CPSF4: variants seen among roughly 807,000 people sequenced by gnomAD.
CPSF4 encodes cleavage and polyadenylation specific factor 4.
A neutral mutation model predicts 37.7 loss-of-function variants in CPSF4; 11 were observed. The observed-to-expected ratio is 0.29, with a 90% CI of 0.18 to 0.48. The LOEUF (loss-of-function observed/expected upper bound fraction) is 0.48. CPSF4 is among the 20% of genes least tolerant of loss of function. The probability of loss-of-function intolerance (pLI) is 0.99; values close to 1 mark genes in which losing one functional copy is unlikely to be tolerated. For synonymous variants in CPSF4, 132 were observed against 135.9 expected (o/e 0.97, Z 0.20); for missense variants, 144 against 359.5 (o/e 0.40, Z 4.85).
chr7:99,456,395 CTG>C (rs1445377629), intron 7 of CPSF4, 35 bp from the exon 8 acceptor site: 30 of 1,596,916 alleles, frequency 1.9e-5, no homozygotes, highest in Non-Finnish European at 2.6e-5. Flanking sequence ...GTGTTGTTGT[CTG>C]TCTCTCCTCT....
chr7:99,450,643 G>A (rs968111457), intron 4 of CPSF4, 59 bp from the exon 5 acceptor site: 66 of 1,358,532 alleles, frequency 4.9e-5, no homozygotes, highest in Middle Eastern at 1.8e-4. Flanking sequence ...TTGAAACCAT[G>A]CTCCAGCTCT....
intron 5 of CPSF4, 54 bp from the exon 6 acceptor site, chr7:99,452,313 TC>T (rs1281213041): frequency 6.9e-7 from 1 of 1,455,480 alleles, no homozygotes; most frequent in African/African-American, 1.4e-5. Flanking sequence ...TCTCTTCTCA[TC>T]CCCTGACCCC....
intron 7 of CPSF4, 87 bp from the exon 8 acceptor site, chr7:99,456,345 T>G: frequency 8.6e-7 from 1 of 1,163,836 alleles, no homozygotes; most frequent in African/African-American, 1.5e-5. Context: ...TGATTTGGGA[T>G]TTGGTGGGCA....
chr7:99,456,581 C>T lies in CPSF4; in HGVS notation c.*81C>T, dbSNP rs756757246. On this transcript the variant is annotated 3_prime_UTR_variant, in exon 8 of 8. Transcript: ENST00000292476. Reference sequence around the variant, plus strand: ...TTTAACTGTTTCATGCGCTTGTTGGCGCGACTGTGGCTCGAGCTGGCCCGC... The same window carrying T: ...TTTAACTGTTTCATGCGCTTGTTGGTGCGACTGTGGCTCGAGCTGGCCCGC... 42 of 1,231,750 alleles carry T rather than the reference C, an allele frequency of 3.4e-5. No homozygotes were observed. Among genetic ancestry groups the T allele is most frequent in the African/African-American group, 1.3e-4 (9 of 67,788 alleles). 76.3% of individuals were successfully genotyped at this position (1,231,750 alleles called of 1,614,324 possible).
At chr7:99,445,815 C>G (rs1432355898) in intron 2 of CPSF4, among the ~76,000 whole-genome samples, 3 of 151,980 alleles carry the variant, frequency 2.0e-5, no homozygotes, top group Non-Finnish European at 4.4e-5. Context: ...ACCTGTTAGG[C>G]AGAGGTTGTA....
In CPSF4 at chr7:99,452,409, C is replaced by T. The variant is rs553790186; in HGVS notation, c.539C>T (p.Pro180Leu). 7 of 1,614,094 alleles carry T rather than the reference C, an allele frequency of 4.3e-6. No individual in the cohort carries two copies. Among genetic ancestry groups the T allele is most frequent in the East Asian group, 2.2e-5 (1 of 44,882 alleles). The change falls in exon 6 of 8, where the codon CCA becomes CTA. Residue 180 changes from proline to leucine, a missense_variant. Coordinates refer to ENST00000292476, the MANE Select transcript of CPSF4 (RefSeq NM_006693.4). The stretch of plus-strand genomic sequence containing the variant: ...CCCATGGGAACCACCGAGCAGCCCC[C>T]ACTGCCGCAGCAGACACAGCCTCCA... ...ELPMGTTEQP[P>L]LPQQTQPPAK... is the part of the protein sequence containing the mutation.
intron 7 of CPSF4, among the ~76,000 whole-genome samples, chr7:99,454,375 G>A (rs796828930): frequency 3.2e-4 from 49 of 152,330 alleles, no homozygotes; most frequent in African/African-American, 1.1e-3. Context: ...GTGAATGGAC[G>A]GGGCCTGCAG....
intron 5 of CPSF4, 47 bp from the exon 6 acceptor site, chr7:99,452,320 AC>A: frequency 6.7e-7 from 1 of 1,497,140 alleles, no homozygotes. Flanking sequence ...TCATCCCCTG[AC>A]CCCACTCCTT....
intron 6 of CPSF4, 46 bp downstream of exon 6, chr7:99,452,486 C>T (rs1165821364): frequency 2.6e-6 from 4 of 1,536,466 alleles, no homozygotes; most frequent in Non-Finnish European, 2.7e-6. Context: ...GCCTTTTCTA[C>T]AGCGAGAACC....
intron 1 of CPSF4, among the ~76,000 whole-genome samples, chr7:99,442,671 A>AC (rs1554363526): frequency 4.7e-5 from 7 of 149,592 alleles, no homozygotes; most frequent in African/African-American, 1.5e-4. Context: ...AAAAAAAAAA[A>AC]AAAACAAAAA....
At chr7:99,444,255 G>A (rs535159299) in intron 1 of CPSF4, among the ~76,000 whole-genome samples, 2 of 152,204 alleles carry the variant, frequency 1.3e-5, no homozygotes, top group African/African-American at 4.8e-5. Flanking sequence ...TCAAGAGTTC[G>A]AGACCAGCCT....
At position 99,448,302 on chromosome 7, in the gene CPSF4, G is replaced by A; in HGVS notation, c.307+29G>A. 1 of 1,612,574 alleles carries A rather than the reference G, an allele frequency of 6.2e-7. No homozygotes were observed. Among genetic ancestry groups the A allele is most frequent in the Non-Finnish European group, 8.5e-7 (1 of 1,179,222 alleles). On this transcript the variant is annotated intron_variant, in intron 3 of 7. Coordinates refer to ENST00000292476, the MANE Select transcript of CPSF4 (RefSeq NM_006693.4). The surrounding 1 kb of genome is among the most constrained non-coding windows in gnomAD (Gnocchi z 4.4). ...AGGCGCCTGGAGCCCTGGAGGCTCT[G>A]CTGAGAACCAGGGTGCAGAGGGGTC... is the stretch of plus-strand genomic sequence containing the variant.
intron 7 of CPSF4, 172 bp from the exon 8 acceptor site, chr7:99,456,260 C>A: frequency 1.5e-6 from 1 of 645,162 alleles, no homozygotes; most frequent in Non-Finnish European, 2.8e-6. Context: ...CCTGAGCTCC[C>A]TCACCCTCTA....
At chr7:99,446,604 CT>C (rs765309712) in intron 2 of CPSF4, among the ~76,000 whole-genome samples, 465 of 140,716 alleles carry the variant, frequency 3.3e-3, no homozygotes, top group Middle Eastern at 7.6e-3. Context: ...TTGGTCTTTC[CT>C]TTTTTTTTTT....
At chr7:99,446,953 C>CTAATTT (rs1333866370) in intron 2 of CPSF4, among the ~76,000 whole-genome samples, 1 of 151,402 alleles carries the variant, frequency 6.6e-6, no homozygotes, top group Admixed American at 6.6e-5. Context: ...CCACGCCCAG[C>CTAATTT]TAATTTTTTG....
At position 99,456,633 on chromosome 7, in the gene CPSF4, G is replaced by A. The variant is rs528899775; in HGVS notation, c.*133G>A. The stretch of plus-strand genomic sequence containing the variant: ...GACACGTGGGTTTCATCACTCTGAG[G>A]GGCCACGTCTGTTAGTTTCCTATCA... On this transcript the variant is annotated 3_prime_UTR_variant, in exon 8 of 8. Coordinates refer to ENST00000292476, the MANE Select transcript of CPSF4 (RefSeq NM_006693.4). 2.7e-6 allele frequency: 2 copies of A among 745,364 alleles called. No individual in the cohort carries two copies. The highest frequency in any genetic ancestry group is 1.5e-5 in the South Asian group (1 of 68,554). 46.2% of individuals were successfully genotyped at this position (745,364 alleles called of 1,614,324 possible).
intron 1 of CPSF4, among the ~76,000 whole-genome samples, chr7:99,442,161 G>A (rs1298376616): frequency 1.3e-5 from 2 of 152,118 alleles, no homozygotes; most frequent in African/African-American, 4.8e-5. Flanking sequence ...GCTGTCATTG[G>A]TTTTTCAGCA....
At chr7:99,452,600 G>A in intron 6 of CPSF4, 160 bp downstream of exon 6, 1 of 648,518 alleles carries the variant, frequency 1.5e-6, no homozygotes, top group South Asian at 1.8e-5. Flanking sequence ...GCAAAGCCGT[G>A]TATATCTCCC....
chr7:99,442,825 C>G (rs899278407), intron 1 of CPSF4: 8 of 899,278 alleles, frequency 8.9e-6, no homozygotes, highest in Admixed American at 6.8e-5. Context: ...TATATGTGAC[C>G]AAGAAGAATG....
Sources: allele counts gnomAD v4.1 joint callset (sites outside exome capture counted in the v4.1 genomes callset), GRCh38; gene constraint gnomAD v4.1.1; non-coding constraint Gnocchi (gnomAD v3.1); transcripts MANE v1.5; gene names NCBI Gene and HGNC (gene_info 2026-07-23, HGNC 2026-07-21).